The following SPOCK1 variants were observed in gnomAD, a reference collection of about 807,000 sequenced individuals.
SPOCK1 encodes the protein testican-1.
SPOCK1 carries 23 observed loss-of-function variants against 55.3 expected under a neutral mutation model. The observed-to-expected ratio is 0.42, with a 90% confidence interval of 0.30 to 0.59. The LOEUF is 0.59. Among genes scored for constraint, SPOCK1 ranks in the 20% least tolerant of loss-of-function variants. SPOCK1 has a pLI of 0.22. For synonymous variants in SPOCK1, 226 were observed against 221.0 expected (o/e 1.02, Z -0.20); for missense variants, 499 against 552.5 (o/e 0.90, Z 0.97).
At chr5:137,039,296 T>G (rs59346178) in intron 6 of SPOCK1, among the ~76,000 whole-genome samples, 16,708 of 144,358 alleles carry the variant, frequency 0.12, 2,055 homozygotes, top group African/African-American at 0.28. Context: ...TTTTTTTTTT[T>G]TTGTTGTTGC....
chr5:137,477,927 C>T (rs1171581632), intron 2 of SPOCK1, among the ~76,000 whole-genome samples: 4 of 152,190 alleles, frequency 2.6e-5, no homozygotes, highest in African/African-American at 7.2e-5. Context: ...AGCCAGTGAA[C>T]AGAATGAAGT....
Position 137,187,577 on chromosome 5 carries a change from T to A in SPOCK1, c.233-46883A>T, listed in dbSNP as rs1229645242. 2.6e-5 allele frequency among the ~76,000 whole-genome samples: 4 copies of A among 152,160 alleles called. No individual in the cohort carries two copies. The East Asian group carries it at 5.8e-4, about 22-fold the overall frequency. ...TTAATCTCCCTCCCATTTGCCATTG[T>A]TATCTACCCCCAACGCAACTGTAAC... On this transcript the variant is annotated intron_variant, in intron 3 of 10. Coordinates refer to ENST00000394945, the MANE Select transcript of SPOCK1 (RefSeq NM_004598.4).
intron 5 of SPOCK1, among the ~76,000 whole-genome samples, chr5:137,087,022 C>A (rs1752972558): frequency 6.6e-6 from 1 of 152,228 alleles, no homozygotes; most frequent in African/African-American, 2.4e-5. Flanking sequence ...TTCCAATCAA[C>A]TGCTCTTGTT....
intron 2 of SPOCK1, among the ~76,000 whole-genome samples, chr5:137,285,788 G>A (rs1757252656): frequency 1.3e-5 from 2 of 152,174 alleles, no homozygotes; most frequent in Admixed American, 1.3e-4. Flanking sequence ...GAGCCCTAGG[G>A]AGATATTTGT....
intron 5 of SPOCK1, among the ~76,000 whole-genome samples, chr5:137,099,103 T>G (rs1753212059): frequency 6.6e-6 from 1 of 152,214 alleles, no homozygotes. Flanking sequence ...CTTTTTTATC[T>G]TTCAATTTTT....
chr5:137,361,432 A>G (rs1750941549), intron 2 of SPOCK1, among the ~76,000 whole-genome samples: 1 of 152,222 alleles, frequency 6.6e-6, no homozygotes, highest in Non-Finnish European at 1.5e-5. Context: ...CACTAAGGAA[A>G]TATCTGTTGA....
At chr5:137,139,512 T>C (rs1754051062) in intron 4 of SPOCK1, among the ~76,000 whole-genome samples, 1 of 151,712 alleles carries the variant, frequency 6.6e-6, no homozygotes, top group African/African-American at 2.4e-5. Context: ...TAGGACCCAT[T>C]CTGCATGGTC....
At chr5:137,155,305 C>T (rs1354543084) in intron 3 of SPOCK1, among the ~76,000 whole-genome samples, 1 of 152,204 alleles carries the variant, frequency 6.6e-6, no homozygotes, top group African/African-American at 2.4e-5. Context: ...GTGAGCTGCC[C>T]TTGGTGCCAG....
intron 3 of SPOCK1, among the ~76,000 whole-genome samples, chr5:137,208,475 G>T (rs1755556550): frequency 6.6e-6 from 1 of 152,150 alleles, no homozygotes. Flanking sequence ...AAATTCAGTG[G>T]ATTGGATAAA....
At chr5:137,112,596 A>C (rs1753496924) in intron 4 of SPOCK1, 35 bp from the exon 5 acceptor site, 2 of 1,608,174 alleles carry the variant, frequency 1.2e-6, no homozygotes, top group South Asian at 1.1e-5. Context: ...AATTAGTTGA[A>C]GCTCCAGACC....
At chr5:137,077,758 G>A (rs557002137) in intron 5 of SPOCK1, among the ~76,000 whole-genome samples, 1 of 152,306 alleles carries the variant, frequency 6.6e-6, no homozygotes, top group East Asian at 1.9e-4. Context: ...TCAGAAGACA[G>A]TTCTGTTCAT....
chr5:137,291,908 T>C (rs1255039666), intron 2 of SPOCK1, among the ~76,000 whole-genome samples: 1 of 152,226 alleles, frequency 6.6e-6, no homozygotes, highest in African/African-American at 2.4e-5. Flanking sequence ...CCCTTCCTGT[T>C]TGCATGTGGA....
chr5:137,167,354 A>C (rs1228351535), intron 3 of SPOCK1, among the ~76,000 whole-genome samples: 5 of 152,034 alleles, frequency 3.3e-5, no homozygotes, highest in Non-Finnish European at 5.9e-5. Flanking sequence ...GACAGACCCA[A>C]TACAATAATA....
intron 9 of SPOCK1, among the ~76,000 whole-genome samples, chr5:136,984,706 C>A (rs915531715): frequency 3.3e-5 from 5 of 152,212 alleles, no homozygotes; most frequent in Non-Finnish European, 5.9e-5. Flanking sequence ...TCGTTCAACC[C>A]TGTTTGATAA....
intron 2 of SPOCK1, among the ~76,000 whole-genome samples, chr5:137,478,438 A>G (rs1348653942): frequency 6.6e-6 from 1 of 152,178 alleles, no homozygotes; most frequent in African/African-American, 2.4e-5. Flanking sequence ...TAAAGTAAAA[A>G]TCACATCTGA....
At chr5:137,429,004 T>C (rs937084684) in intron 2 of SPOCK1, among the ~76,000 whole-genome samples, 1 of 152,244 alleles carries the variant, frequency 6.6e-6, no homozygotes, top group Non-Finnish European at 1.5e-5. Flanking sequence ...TTACATCTGA[T>C]GATGGTACTC....
chr5:137,143,113 G>A (rs937706593), intron 3 of SPOCK1, among the ~76,000 whole-genome samples: 5 of 152,090 alleles, frequency 3.3e-5, no homozygotes, highest in Admixed American at 6.6e-5. Context: ...AGAAACCTGG[G>A]GACTAGACCA....
At chr5:136,979,559 G>T in intron 9 of SPOCK1, 90 bp from the exon 10 acceptor site, 1 of 1,485,224 alleles carries the variant, frequency 6.7e-7, no homozygotes, top group Non-Finnish European at 9.1e-7. Context: ...GGGCTCACAT[G>T]TCAGAATATC....
Position 137,079,536 on chromosome 5 carries a change from C to CGCG in SPOCK1, c.475-11708_475-11707insCGC, listed in dbSNP as rs142340469. Among the ~76,000 whole-genome samples the CGCG allele has an allele frequency of 1.8e-5, 2 of 113,866 alleles. 1 individual carries two copies. Among genetic ancestry groups the CGCG allele is most frequent in the Admixed American group, 1.8e-4 (2 of 10,934 alleles). 74.7% of individuals were successfully genotyped at this position (113,866 alleles called of 152,430 possible). On this transcript the variant is annotated intron_variant, in intron 5 of 10. Transcript: ENST00000394945. ...CTCTCCTACCATCCCATCTGATTCCCCCCCCCCCCGACTTAGTGAAATGTC... is the reference window on the plus strand; with the variant it reads ...CTCTCCTACCATCCCATCTGATTCCCGCGCCCCCCCCCGACTTAGTGAAATGTC...
Sources: gnomAD v4.1 joint callset for allele counts (sites outside exome capture counted in the v4.1 genomes callset) on GRCh38, gnomAD v4.1.1 for gene constraint, MANE v1.5 for transcripts, NCBI Gene and HGNC (gene_info 2026-07-23, HGNC 2026-07-21) for gene names.